KLHL29: variants seen among roughly 807,000 people sequenced by gnomAD.
The protein encoded by KLHL29 is kelch like family member 29.
A neutral mutation model predicts 80.4 loss-of-function variants in KLHL29; 21 were observed. The observed-to-expected ratio is 0.26, with a 90% CI of 0.19 to 0.38. The LOEUF (loss-of-function observed/expected upper bound fraction) is 0.38, where lower values mean the gene tolerates loss of function less well. Ranked by LOEUF, KLHL29 falls within the 10% of genes least tolerant of loss-of-function variation. The pLI, the probability that KLHL29 is intolerant of heterozygous loss-of-function variation, is 1.00. For missense variants in KLHL29, 867 were observed against 1,223.9 expected, an observed-to-expected ratio of 0.71 and a Z score of 4.35; for synonymous variants, 511 against 526.8, an observed-to-expected ratio of 0.97 and a Z score of 0.41.
At chr2:23,606,278 C>T (rs982021804) in intron 3 of KLHL29, among the ~76,000 whole-genome samples, 14 of 151,984 alleles carry the variant, frequency 9.2e-5, no homozygotes, top group African/African-American at 3.4e-4. Context: ...CCAGAACGTT[C>T]CCGGGCCTTG....
At chr2:23,643,010 G>A (rs1306364558) in intron 5 of KLHL29, 160 bp downstream of exon 5, 1 of 853,708 alleles carries the variant, frequency 1.2e-6, no homozygotes, top group East Asian at 2.6e-5. Context: ...CAAGACAACT[G>A]GCCTGAGATG....
At chr2:23,420,494 A>G (rs1463667908) in intron 1 of KLHL29, among the ~76,000 whole-genome samples, 1 of 152,134 alleles carries the variant, frequency 6.6e-6, no homozygotes, top group Non-Finnish European at 1.5e-5. Context: ...ATGCGTCTTC[A>G]TCTCAGGGCC....
chr2:23,574,285 T>A (rs1256660660), intron 3 of KLHL29, among the ~76,000 whole-genome samples: 2 of 151,508 alleles, frequency 1.3e-5, no homozygotes, highest in Non-Finnish European at 2.9e-5. Context: ...CTGCTAGGAG[T>A]GATGAAAAGC....
intron 2 of KLHL29, among the ~76,000 whole-genome samples, chr2:23,548,982 C>A (rs930424261): frequency 3.3e-5 from 5 of 152,224 alleles, no homozygotes; most frequent in African/African-American, 1.2e-4. Flanking sequence ...GATCCCTTCC[C>A]CGCCTGCCTC....
At chr2:23,606,139 AGTGTGTGTGT>A (rs752777554) in intron 3 of KLHL29, among the ~76,000 whole-genome samples, 123 of 146,956 alleles carry the variant, frequency 8.4e-4, no homozygotes, top group African/African-American at 3.0e-3. Flanking sequence ...TCCGTGAGCT[AGTGTGTGTGT>A]GTGTGTATGT....
chr2:23,580,262 C>T lies in KLHL29; in HGVS notation c.285+17781C>T, dbSNP rs189072399. Among the ~76,000 whole-genome samples, 1,440 of 152,188 alleles carry T rather than the reference C, an allele frequency of 9.5e-3. 17 individuals are homozygous for T. Among genetic ancestry groups the T allele is most frequent in the Middle Eastern group, 0.017 (5 of 294 alleles). On this transcript the variant is annotated intron_variant, in intron 3 of 13. Transcript: ENST00000486442. The stretch of plus-strand genomic sequence containing the variant: ...TGGCAGGCGCCTGTAGTCCCAGCTA[C>T]TCTGGAGGCTGAGGCAGGAGAATGG...
intron 2 of KLHL29, among the ~76,000 whole-genome samples, chr2:23,483,869 A>T (rs1216988130): frequency 1.3e-5 from 2 of 152,066 alleles, no homozygotes; most frequent in Non-Finnish European, 2.9e-5. Context: ...TTCCCATGTC[A>T]GCTGCCACTC....
chr2:23,545,466 G>T (rs945983006), intron 2 of KLHL29, among the ~76,000 whole-genome samples: 5 of 152,324 alleles, frequency 3.3e-5, no homozygotes, highest in African/African-American at 1.2e-4. Flanking sequence ...TCTGCTGCCT[G>T]TTTGCAGCTG....
chr2:23,702,926 G>A (rs575959243), intron 11 of KLHL29, among the ~76,000 whole-genome samples: 2 of 151,176 alleles, frequency 1.3e-5, no homozygotes, highest in African/African-American at 4.8e-5. Context: ...AAGGGATGGA[G>A]ACAGGAATTC....
rs560131988 is a variant in KLHL29 at position 23,427,313 on chromosome 2, A to T, written c.-154+41533A>T. Among the ~76,000 whole-genome samples the T allele has an allele frequency of 4.4e-4, 67 of 152,330 alleles. 1 individual carries two copies. The highest frequency in any genetic ancestry group is 1.6e-3 in the African/African-American group (65 of 41,568). ...ACGGTGTTACCACAGGAAATGAATG[A>T]ATCTGTCAAAAATCACTCTTTTACT... On this transcript the variant is annotated intron_variant, in intron 1 of 13. Transcript: ENST00000486442.
intron 3 of KLHL29, among the ~76,000 whole-genome samples, chr2:23,576,806 C>T (rs969426464): frequency 6.6e-6 from 1 of 152,226 alleles, no homozygotes; most frequent in Non-Finnish European, 1.5e-5. Context: ...CGCCTCCAGT[C>T]GCTGGAACTC....
rs1553338688 is a variant in KLHL29, at chr2:23,558,412, T to TTTTTTTTTTC, written c.-45-3731_-45-3730insCTTTTTTTTT. Reference sequence around the variant, plus strand: ...CTAGGACTGTAAGACATTTTCTCTTTTTTTTTTTTTCTTTGGTCTCACTCT... The same window carrying TTTTTTTTTTC: ...CTAGGACTGTAAGACATTTTCTCTTTTTTTTTTTTCTTTTTTTTTTCTTTGGTCTCACTCT... On this transcript the variant is annotated intron_variant, in intron 2 of 13. Transcript: ENST00000486442. Among the ~76,000 whole-genome samples, 388 of 129,006 alleles carry TTTTTTTTTTC rather than the reference T, an allele frequency of 3.0e-3. 1 individual carries two copies. The highest frequency in any genetic ancestry group is 4.6e-3 in the Admixed American group (58 of 12,650). 84.6% of individuals were successfully genotyped at this position (129,006 alleles called of 152,430 possible). A position where few individuals can be genotyped will look rare whatever the true frequency, so the allele number is the denominator to read the frequency against.
chr2:23,423,412 G>C (rs1273914776), intron 1 of KLHL29, among the ~76,000 whole-genome samples: 1 of 152,228 alleles, frequency 6.6e-6, no homozygotes. Flanking sequence ...TGCCCTGCGC[G>C]GGCTGTCCCC....
rs1671926682 is a variant in KLHL29 at position 23,695,932 on chromosome 2, C to T, written c.1742-19C>T. ...AGTCTTAGAGTGTGTCCCAAGGGCG[C>T]CCATCCATGTCCCTGCAGGTGTGGC... On this transcript the variant is annotated intron_variant, in intron 9 of 13. Transcript: ENST00000486442. This position sits in a 1 kb window ranked among gnomAD's most constrained non-coding sequence, Gnocchi z 7.6. 1 of 1,549,374 alleles carries T rather than the reference C, an allele frequency of 6.5e-7. No homozygotes were observed. The highest frequency in any genetic ancestry group is 2.4e-5 in the East Asian group (1 of 40,920).
chr2:23,551,399 G>T (rs1400406812), intron 2 of KLHL29, among the ~76,000 whole-genome samples: 1 of 152,088 alleles, frequency 6.6e-6, no homozygotes, highest in African/African-American at 2.4e-5. Context: ...CAAAGCAAAG[G>T]TGCACATGGG....
At chr2:23,663,997 G>T (rs985313312) in intron 5 of KLHL29, among the ~76,000 whole-genome samples, 1 of 152,154 alleles carries the variant, frequency 6.6e-6, no homozygotes, top group Non-Finnish European at 1.5e-5. Context: ...TTTCTTTTCC[G>T]AGTGGTTGGG....
chr2:23,401,380 A>G (rs1666595758), intron 1 of KLHL29, among the ~76,000 whole-genome samples: 1 of 152,174 alleles, frequency 6.6e-6, no homozygotes, highest in African/African-American at 2.4e-5. Context: ...ACTGACAGCT[A>G]ACAATTGACC....
chr2:23,435,675 A>C (rs1325333326), intron 1 of KLHL29, among the ~76,000 whole-genome samples: 1 of 152,228 alleles, frequency 6.6e-6, no homozygotes, highest in Non-Finnish European at 1.5e-5. Flanking sequence ...AAGCTTTCTA[A>C]ATAGTGACCA....
rs563414885 is a variant in KLHL29, at chr2:23,460,000, G to A, written c.-153-15560G>A. Among the ~76,000 whole-genome samples, 18 of 152,298 alleles carry A rather than the reference G, an allele frequency of 1.2e-4. No individual in the cohort carries two copies. The South Asian group carries it at 1.2e-3, about 11-fold the overall frequency. On this transcript the variant is annotated intron_variant, in intron 1 of 13. Coordinates refer to ENST00000486442, the MANE Select transcript of KLHL29 (RefSeq NM_052920.2). Reference sequence around the variant, plus strand: ...GACAGGTAGAGGAGAAGCTGGAAGGGTATCCTGGAGTCAAAATTTTACTTT... The same window carrying A: ...GACAGGTAGAGGAGAAGCTGGAAGGATATCCTGGAGTCAAAATTTTACTTT...
Sources: gnomAD v4.1 joint callset for allele counts (sites outside exome capture counted in the v4.1 genomes callset) on GRCh38, gnomAD v4.1.1 for gene constraint, Gnocchi (gnomAD v3.1) non-coding constraint, MANE v1.5 for transcripts, NCBI Gene and HGNC (gene_info 2026-07-23, HGNC 2026-07-21) for gene names.